The following PADI4 variants were observed in gnomAD, a reference collection of about 807,000 sequenced individuals.
The protein encoded by PADI4 is protein-arginine deiminase type-4.
PADI4 carries 62 observed loss-of-function variants against 75.0 expected under a neutral mutation model. That is an observed-to-expected ratio of 0.83 (90% CI 0.67 to 1.02). The LOEUF is 1.02. Among genes scored for constraint, PADI4 ranks in the 50% least tolerant of loss-of-function variants. The pLI is 0.00. For missense variants in PADI4, 845 were observed against 850.5 expected (o/e 0.99, Z 0.08); for synonymous variants, 361 against 348.1 (o/e 1.04, Z -0.41).
rs1458689956 is a variant in PADI4, at chr1:17,330,984, C to T, written c.108C>T (p.Asp36=). 6.3e-7 allele frequency: 1 copy of T among 1,587,104 alleles called. No individual in the cohort carries two copies. Among genetic ancestry groups the T allele is most frequent in the East Asian group, 2.3e-5 (1 of 43,042 alleles). ...QLDICSSAPE[D]CTSFSINASP... is the part of the protein sequence containing the mutation. ...TTGTCCACAGCTCTGCCCCTGAGGA[C>T]TGCACGTCCTTCAGCATCAACGCCT... Residue 36 remains aspartate (D), a synonymous_variant, in exon 2 of 16, where the codon GAC becomes GAT. Transcript: ENST00000375448.
At chr1:17,352,173 G>GATGGGAGGCA (rs1557577432) in intron 10 of PADI4, among the ~76,000 whole-genome samples, 12 of 141,720 alleles carry the variant, frequency 8.5e-5, no homozygotes, top group African/African-American at 2.4e-4. Context: ...GATGAGAGGT[G>GATGGGAGGCA]GTAGGAGAGG....
intron 9 of PADI4, among the ~76,000 whole-genome samples, chr1:17,347,527 T>C (rs1434647408): frequency 6.6e-6 from 1 of 152,062 alleles, no homozygotes; most frequent in East Asian, 1.9e-4. Flanking sequence ...CAACAGGTCT[T>C]CTCTGGCCCA....
chr1:17,312,693 T>C (rs2501804), intron 1 of PADI4, among the ~76,000 whole-genome samples: 7,570 of 152,178 alleles, frequency 0.05, 235 homozygotes, highest in African/African-American at 0.079. Flanking sequence ...TTGTTGCAGG[T>C]AAGCAGAGGG....
intron 1 of PADI4, among the ~76,000 whole-genome samples, chr1:17,318,184 G>A (rs1254910426): frequency 6.6e-6 from 1 of 152,230 alleles, no homozygotes; most frequent in African/African-American, 2.4e-5. Flanking sequence ...AGGAAGTGCT[G>A]GATGCTGGGC....
At chr1:17,337,925 A>T (rs1317652989) in intron 4 of PADI4, 113 bp from the exon 5 acceptor site, 4 of 440,802 alleles carry the variant, frequency 9.1e-6, no homozygotes, top group Non-Finnish European at 1.6e-5. Flanking sequence ...AAAAAATAAT[A>T]AATAAATAAA....
intron 1 of PADI4, among the ~76,000 whole-genome samples, chr1:17,317,517 T>C (rs946139745): frequency 1.0e-4 from 15 of 142,956 alleles, no homozygotes; most frequent in Admixed American, 9.7e-4. Context: ...GATCCGCCCG[T>C]CTCGGCCTCC....
At chr1:17,331,688 C>T (rs113063571) in intron 2 of PADI4, among the ~76,000 whole-genome samples, 21,959 of 152,024 alleles carry the variant, frequency 0.14, 2,085 homozygotes, top group Non-Finnish European at 0.21. Flanking sequence ...GAGGCCGAGG[C>T]GGGTGGATCA....
chr1:17,334,678 T>C, intron 3 of PADI4: 3 of 453,968 alleles, frequency 6.6e-6, no homozygotes, highest in Non-Finnish European at 8.8e-6. Context: ...AGAATATAGA[T>C]AGTGTTCCTC....
rs562475435 is a variant in PADI4, at chr1:17,317,572, A to G, written c.92+9258A>G. Among the ~76,000 whole-genome samples the G allele has an allele frequency of 2.0e-5, 3 of 152,050 alleles. No individual in the cohort carries two copies. In the East Asian group the frequency reaches 5.9e-4, roughly 30 times the overall value. On this transcript the variant is annotated intron_variant, in intron 1 of 15. Coordinates refer to ENST00000375448, the MANE Select transcript of PADI4 (RefSeq NM_012387.3). ...GCTTGAGCCACCATGCCTGGCCATC[A>G]TAATGCTTTATTTATTCTGTCCTGT... is the stretch of plus-strand genomic sequence containing the variant.
chr1:17,355,899 A>G (rs2074750774), intron 11 of PADI4, 84 bp from the exon 12 acceptor site: 1 of 1,415,856 alleles, frequency 7.1e-7, no homozygotes, highest in Non-Finnish European at 1.0e-6. Context: ...GAGAACCCTG[A>G]CCTTTTTGCC....
At chr1:17,353,118 G>C (rs368680047) in intron 10 of PADI4, among the ~76,000 whole-genome samples, 1 of 152,162 alleles carries the variant, frequency 6.6e-6, no homozygotes, top group East Asian at 1.9e-4. Flanking sequence ...AAGCGGGTTG[G>C]TCTGGGTTTT....
At chr1:17,316,722 TTAATTAATTA>T (rs2073945943) in intron 1 of PADI4, among the ~76,000 whole-genome samples, 1 of 147,928 alleles carries the variant, frequency 6.8e-6, no homozygotes, top group African/African-American at 2.5e-5. Flanking sequence ...AATTAATTAA[TTAATTAATTA>T]AAATAAATAA....
chr1:17,312,042 T>A (rs375695997), intron 1 of PADI4, among the ~76,000 whole-genome samples: 1 of 152,174 alleles, frequency 6.6e-6, no homozygotes, highest in South Asian at 2.1e-4. Flanking sequence ...TGAGTGTCAA[T>A]CATTTTCAGA....
intron 1 of PADI4, among the ~76,000 whole-genome samples, chr1:17,310,496 A>G (rs1311336757): frequency 6.6e-6 from 1 of 151,984 alleles, no homozygotes; most frequent in Non-Finnish European, 1.5e-5. Context: ...CCTCATATTC[A>G]TGCCTCCATA....
chr1:17,356,855 G>A lies in PADI4; in HGVS notation c.1558+396G>A, dbSNP rs1374102946. 2.0e-5 allele frequency among the ~76,000 whole-genome samples: 3 copies of A among 152,106 alleles called. No individual in the cohort carries two copies. The highest frequency in any genetic ancestry group is 4.4e-5 in the Non-Finnish European group (3 of 68,012). ...ACGGGGGTGGGGCGGCTCAGAGGCA[G>A]GAGAAAGCACGATGTGTGTGAGGAC... On this transcript the variant is annotated intron_variant, in intron 13 of 15. Coordinates refer to ENST00000375448, the MANE Select transcript of PADI4 (RefSeq NM_012387.3). This position sits in a 1 kb window ranked among gnomAD's most constrained non-coding sequence, Gnocchi z 4.1.
intron 1 of PADI4, among the ~76,000 whole-genome samples, chr1:17,312,747 G>C (rs752874853): frequency 6.6e-6 from 1 of 152,014 alleles, no homozygotes; most frequent in African/African-American, 2.4e-5. Flanking sequence ...GTGAAGATAA[G>C]CTATTAACTT....
rs1382461537 is a variant in PADI4 at position 17,356,737 on chromosome 1, G to A, written c.1558+278G>A. 6.6e-6 allele frequency among the ~76,000 whole-genome samples: 1 copy of A among 152,092 alleles called. No homozygotes were observed. The highest frequency in any genetic ancestry group is 1.5e-5 in the Non-Finnish European group (1 of 68,006). On this transcript the variant is annotated intron_variant, in intron 13 of 15. Coordinates refer to ENST00000375448, the MANE Select transcript of PADI4 (RefSeq NM_012387.3). This position sits in a 1 kb window ranked among gnomAD's most constrained non-coding sequence, Gnocchi z 4.1. ...TGGAGCTCAGGGAAGGCTTCTTGGAGGAGGCAGAGGCCAAGCAGTAGCATG... is the reference window on the plus strand; with the variant it reads ...TGGAGCTCAGGGAAGGCTTCTTGGAAGAGGCAGAGGCCAAGCAGTAGCATG...
intron 1 of PADI4, among the ~76,000 whole-genome samples, chr1:17,325,460 TA>T (rs1476967563): frequency 6.6e-6 from 1 of 151,932 alleles, no homozygotes; most frequent in Non-Finnish European, 1.5e-5. Context: ...AAATGTAATT[TA>T]TTTTTTCCTC....
intron 1 of PADI4, among the ~76,000 whole-genome samples, chr1:17,326,600 T>C (rs1318809335): frequency 6.6e-6 from 1 of 152,202 alleles, no homozygotes; most frequent in Non-Finnish European, 1.5e-5. Context: ...TGCTTTAATG[T>C]TTGTCACACT....
Sources: allele counts gnomAD v4.1 joint callset (sites outside exome capture counted in the v4.1 genomes callset), GRCh38; gene constraint gnomAD v4.1.1; non-coding constraint Gnocchi (gnomAD v3.1); transcripts MANE v1.5; gene names NCBI Gene and HGNC (gene_info 2026-07-23, HGNC 2026-07-21).